The following TDRD3 variants were observed in gnomAD, a reference collection of about 807,000 sequenced individuals.
The protein encoded by TDRD3 is tudor domain-containing protein 3.
TDRD3 carries 45 observed loss-of-function variants against 86.7 expected under a neutral mutation model. The ratio of observed to expected loss-of-function variants is 0.52; its 90% confidence interval spans 0.41 to 0.67. The LOEUF (loss-of-function observed/expected upper bound fraction) is 0.67, where lower values mean the gene tolerates loss of function less well. Among genes scored for constraint, TDRD3 ranks in the 30% least tolerant of loss-of-function variants. The pLI is 0.00. For synonymous variants in TDRD3, 298 were observed against 301.7 expected, an observed-to-expected ratio of 0.99 and a Z score of 0.13; for missense variants, 814 against 889.0, an observed-to-expected ratio of 0.92 and a Z score of 1.07.
chr13:60,473,703 G>A (rs932143988), intron 5 of TDRD3, among the ~76,000 whole-genome samples: 1 of 152,206 alleles, frequency 6.6e-6, no homozygotes, highest in African/African-American at 2.4e-5. Context: ...AAGGGACATG[G>A]TGAGAAGTGA....
intron 12 of TDRD3, among the ~76,000 whole-genome samples, chr13:60,550,197 AG>A (rs1958016989): frequency 6.6e-6 from 1 of 152,156 alleles, no homozygotes; most frequent in African/African-American, 2.4e-5. Context: ...CAATACTATG[AG>A]GTTTATCAAA....
At chr13:60,486,081 C>A in intron 7 of TDRD3, 133 bp downstream of exon 7, 2 of 891,166 alleles carry the variant, frequency 2.2e-6, no homozygotes, top group Non-Finnish European at 1.5e-6. Flanking sequence ...TTGCATATTC[C>A]ATAACTGGGA....
rs576059564 is a variant in TDRD3, at chr13:60,488,056, C to T, written c.717+2108C>T. ...GAGACACCCAGTCTAGATCCTGCTGCTCACTGCACAGTAAGCCAATCACTG... is the reference window on the plus strand; with the variant it reads ...GAGACACCCAGTCTAGATCCTGCTGTTCACTGCACAGTAAGCCAATCACTG... On this transcript the variant is annotated intron_variant, in intron 7 of 13. Transcript: ENST00000377881. 3.3e-5 allele frequency among the ~76,000 whole-genome samples: 5 copies of T among 152,274 alleles called. No individual in the cohort carries two copies. The South Asian group carries it at 1.0e-3, about 32-fold the overall frequency.
Position 60,439,699 on chromosome 13 carries a change from A to G in TDRD3, c.53A>G (p.Asp18Gly), listed in dbSNP as rs1566192261. The change falls in exon 2 of 14, where the codon GAT becomes GGT. Residue 18 changes from aspartate (D) to glycine (G), a missense_variant. Physicochemically the swap from Asp to Gly is moderately conservative, Grantham distance 94. Coordinates refer to ENST00000377881, the MANE Select transcript of TDRD3 (RefSeq NM_001146070.2). ...ALSQAGWYLS[D>G]EGIEACTSSP... ...TTTTATTTTAACAGGTATCTTTCAG[A>G]TGAAGGCATTGAAGCTTGCACAAGC... 3.9e-6 allele frequency: 6 copies of G among 1,539,680 alleles called. No individual in the cohort carries two copies. The highest frequency in any genetic ancestry group is 5.2e-6 in the Non-Finnish European group (6 of 1,143,384).
At chr13:60,426,501 G>A (rs1033628317) in intron 1 of TDRD3, among the ~76,000 whole-genome samples, 1 of 152,178 alleles carries the variant, frequency 6.6e-6, no homozygotes, top group Admixed American at 6.6e-5. Context: ...CTATCTATAT[G>A]TATCCTGTAA....
chr13:60,398,427 C>G (rs1232068940), intron 1 of TDRD3, among the ~76,000 whole-genome samples: 1 of 152,210 alleles, frequency 6.6e-6, no homozygotes, highest in African/African-American at 2.4e-5. Flanking sequence ...AAAAGGCTTT[C>G]TAGCACAGAG....
intron 3 of TDRD3, 142 bp downstream of exon 3, chr13:60,444,890 G>C (rs1000157907): frequency 1.2e-5 from 5 of 415,266 alleles, no homozygotes; most frequent in African/African-American, 1.0e-4. Flanking sequence ...CATTGTTATG[G>C]TGACTTCCAT....
At chr13:60,548,014 G>A (rs1957971791) in intron 12 of TDRD3, among the ~76,000 whole-genome samples, 1 of 152,110 alleles carries the variant, frequency 6.6e-6, no homozygotes, top group Admixed American at 6.6e-5. Flanking sequence ...TAGTAAGGTT[G>A]ACTGGGAAAA....
intron 12 of TDRD3, among the ~76,000 whole-genome samples, chr13:60,556,535 T>A (rs1340994680): frequency 6.6e-6 from 1 of 152,186 alleles, no homozygotes; most frequent in Non-Finnish European, 1.5e-5. Context: ...GATCTGGGAA[T>A]AGATTGTAAG....
intron 5 of TDRD3, among the ~76,000 whole-genome samples, chr13:60,480,313 A>T (rs1053317354): frequency 3.3e-5 from 5 of 152,162 alleles, no homozygotes; most frequent in African/African-American, 1.2e-4. Flanking sequence ...GGATATTGAA[A>T]ATAGGCCCCA....
chr13:60,427,553 G>C (rs966992836), intron 1 of TDRD3, among the ~76,000 whole-genome samples: 1 of 152,142 alleles, frequency 6.6e-6, no homozygotes, highest in Non-Finnish European at 1.5e-5. Context: ...GGTAGACAGA[G>C]TTTGGTGATC....
intron 8 of TDRD3, among the ~76,000 whole-genome samples, chr13:60,497,295 C>A (rs1956740083): frequency 6.6e-6 from 1 of 152,164 alleles, no homozygotes. Context: ...GGAGGGGACC[C>A]AAAGGGGGTT....
intron 1 of TDRD3, among the ~76,000 whole-genome samples, chr13:60,435,485 G>T (rs1184783374): frequency 6.6e-6 from 1 of 152,036 alleles, no homozygotes; most frequent in African/African-American, 2.4e-5. Context: ...GCACCCTCAT[G>T]CCTTAGCTCC....
At chr13:60,454,995 C>T (rs979158809) in intron 3 of TDRD3, among the ~76,000 whole-genome samples, 10 of 152,094 alleles carry the variant, frequency 6.6e-5, no homozygotes, top group African/African-American at 2.4e-4. Context: ...CTCACTGCAA[C>T]CTCTCCTTCC....
At chr13:60,419,578 C>T (rs1411722267) in intron 1 of TDRD3, among the ~76,000 whole-genome samples, 2 of 151,966 alleles carry the variant, frequency 1.3e-5, no homozygotes. Flanking sequence ...GGGAGTTGAA[C>T]AGTGAGAACA....
chr13:60,455,282 A>T (rs1277090084), intron 3 of TDRD3, among the ~76,000 whole-genome samples: 1 of 152,230 alleles, frequency 6.6e-6, no homozygotes, highest in African/African-American at 2.4e-5. Flanking sequence ...GAAAGTAGGT[A>T]AAAAAGAGGT....
In TDRD3 at chr13:60,528,055, A is replaced by T. The variant is rs114460575; in HGVS notation, c.1142-312A>T. Among the ~76,000 whole-genome samples, 209 of 152,274 alleles carry T rather than the reference A, an allele frequency of 1.4e-3. 1 individual carries two copies. The highest frequency in any genetic ancestry group is 6.8e-3 in the Middle Eastern group (2 of 294). On this transcript the variant is annotated intron_variant, in intron 10 of 13. Coordinates refer to ENST00000377881, the MANE Select transcript of TDRD3 (RefSeq NM_001146070.2). ...AGCAATTTGCAGTTCTATTTCATTAATGTTTTAGGAAATGATTTACCAGAA... is the reference window on the plus strand; with the variant it reads ...AGCAATTTGCAGTTCTATTTCATTATTGTTTTAGGAAATGATTTACCAGAA...
intron 8 of TDRD3, among the ~76,000 whole-genome samples, chr13:60,507,259 T>C (rs1189906873): frequency 2.0e-5 from 3 of 152,170 alleles, no homozygotes; most frequent in Admixed American, 1.3e-4. Flanking sequence ...TGGGAGACTT[T>C]AACACCCCAC....
chr13:60,488,087 A>C (rs1956488255), intron 7 of TDRD3, among the ~76,000 whole-genome samples: 3 of 152,182 alleles, frequency 2.0e-5, no homozygotes, highest in African/African-American at 7.2e-5. Context: ...CACTGAGACA[A>C]TGAGTGTTGC....
Sources: gnomAD v4.1 joint callset for allele counts (sites outside exome capture counted in the v4.1 genomes callset) on GRCh38, gnomAD v4.1.1 for gene constraint, MANE v1.5 for transcripts, NCBI Gene and HGNC (gene_info 2026-07-23, HGNC 2026-07-21) for gene names.